The following AACS variants were observed in gnomAD, a reference collection of about 807,000 sequenced individuals.
AACS encodes acetoacetyl-CoA synthetase, also known as acetoacetate-CoA ligase.
Under a neutral mutation model 83.1 loss-of-function variants are expected in AACS, and 69 were observed. The observed-to-expected ratio is 0.83, with a 90% CI of 0.68 to 1.01. The LOEUF (loss-of-function observed/expected upper bound fraction) is 1.01, where lower values mean the gene tolerates loss of function less well. Among genes scored for constraint, AACS ranks in the 50% least tolerant of loss-of-function variants. The pLI is 0.00. For synonymous variants in AACS, 333 were observed against 343.4 expected (o/e 0.97, Z 0.33); for missense variants, 866 against 882.2 (o/e 0.98, Z 0.23).
At chr12:125,065,804 C>T (rs1313907029) in intron 1 of AACS, 87 bp downstream of exon 1, 12 of 1,400,566 alleles carry the variant, frequency 8.6e-6, no homozygotes, top group African/African-American at 1.5e-5. Context: ...GCTAGTTTCA[C>T]GCTTCTGGGG....
intron 16 of AACS, 86 bp from the exon 17 acceptor site, chr12:125,136,576 C>A: frequency 8.7e-7 from 1 of 1,155,612 alleles, no homozygotes; most frequent in South Asian, 1.4e-5. Context: ...CCAGCCTGCC[C>A]CTCCTGCTCT....
intron 8 of AACS, among the ~76,000 whole-genome samples, chr12:125,108,942 C>A (rs1216739225): frequency 6.6e-6 from 1 of 150,498 alleles, no homozygotes; most frequent in Non-Finnish European, 1.5e-5. Flanking sequence ...TATATTCCAC[C>A]TGCCTTGGCC....
intron 1 of AACS, among the ~76,000 whole-genome samples, chr12:125,071,809 G>A (rs1328102749): frequency 3.3e-5 from 5 of 152,144 alleles, no homozygotes; most frequent in East Asian, 1.9e-4. Context: ...GGCTGGCCGC[G>A]TCTGCCTTCC....
At chr12:125,116,276 A>G (rs1361264377) in intron 9 of AACS, among the ~76,000 whole-genome samples, 4 of 152,102 alleles carry the variant, frequency 2.6e-5, no homozygotes, top group African/African-American at 9.7e-5. Flanking sequence ...TCCCTGGGAC[A>G]CGGCAATTTA....
In AACS at chr12:125,097,909, A is replaced by G. The variant is rs1342404568; in HGVS notation, c.571-4770A>G. 6.6e-6 allele frequency among the ~76,000 whole-genome samples: 1 copy of G among 152,188 alleles called. No individual in the cohort carries two copies. Among genetic ancestry groups the G allele is most frequent in the Non-Finnish European group, 1.5e-5 (1 of 68,046 alleles). ...CTGTCCTCCTTCATACGTTTGATTGAGCGGTTCCTCGGTTCCTCTGTGACC... is the reference window on the plus strand; with the variant it reads ...CTGTCCTCCTTCATACGTTTGATTGGGCGGTTCCTCGGTTCCTCTGTGACC... On this transcript the variant is annotated intron_variant, in intron 5 of 17. Coordinates refer to ENST00000316519, the MANE Select transcript of AACS (RefSeq NM_023928.5). The surrounding 1 kb of genome is among the most constrained non-coding windows in gnomAD (Gnocchi z 4.3).
At chr12:125,083,821 G>A (rs577116137) in intron 3 of AACS, among the ~76,000 whole-genome samples, 120 of 151,984 alleles carry the variant, frequency 7.9e-4, no homozygotes, top group Middle Eastern at 6.8e-3. Flanking sequence ...GCCCGGCTAA[G>A]TTTTATATTT....
chr12:125,120,512 A>T (rs917316236), intron 10 of AACS: 8 of 152,172 alleles, frequency 5.3e-5, no homozygotes, highest in Admixed American at 6.5e-5. Context: ...TCCTAATGAG[A>T]TTGTTTCCAG....
chr12:125,083,283 C>T (rs930342462), intron 3 of AACS, among the ~76,000 whole-genome samples: 2 of 152,214 alleles, frequency 1.3e-5, no homozygotes, highest in African/African-American at 4.8e-5. Flanking sequence ...AGTGACCTCA[C>T]AGCATGGCCA....
At chr12:125,126,376 C>G (rs1436822268) in intron 12 of AACS, 1 of 152,156 alleles carries the variant, frequency 6.6e-6, no homozygotes, top group Non-Finnish European at 1.5e-5. Flanking sequence ...CTGCCGTCCC[C>G]CTTCCCCAAG....
At chr12:125,087,324 G>T (rs1373391494) in intron 4 of AACS, among the ~76,000 whole-genome samples, 1 of 152,216 alleles carries the variant, frequency 6.6e-6, no homozygotes, top group South Asian at 2.1e-4. Flanking sequence ...AGCAACTGAG[G>T]ATTTCCCACG....
intron 3 of AACS, among the ~76,000 whole-genome samples, chr12:125,081,730 A>T (rs1956190778): frequency 6.6e-6 from 1 of 152,202 alleles, no homozygotes; most frequent in South Asian, 2.1e-4. Flanking sequence ...TTTGAAGAGT[A>T]GCTATCAGCT....
intron 9 of AACS, among the ~76,000 whole-genome samples, chr12:125,117,149 C>T (rs962637925): frequency 7.2e-5 from 11 of 152,064 alleles, no homozygotes; most frequent in Non-Finnish European, 1.0e-4. Flanking sequence ...CGGTGGCTCA[C>T]GCCTGTAATC....
At position 125,076,515 on chromosome 12, in the gene AACS, G is replaced by A. The variant is rs775876225; in HGVS notation, c.262G>A (p.Ala88Thr). The change falls in exon 3 of 18, where the codon GCA (alanine) becomes ACA (threonine). Residue 88 changes from alanine to threonine, a missense_variant. By Grantham distance (58) the Ala-to-Thr change is moderately conservative. Coordinates refer to ENST00000316519, the MANE Select transcript of AACS (RefSeq NM_023928.5). Reference protein sequence around the residue: ...DEVVDTSKGIADVPEWFKGSR... With the variant: ...DEVVDTSKGITDVPEWFKGSR... The stretch of plus-strand genomic sequence containing the variant: ...GGTTGTGGACACATCGAAAGGAATC[G>A]CAGATGTCCCCGAGTGGTTCAAAGG... The A allele has an allele frequency of 1.4e-5, 22 of 1,613,990 alleles. No homozygotes were observed. The South Asian group carries it at 2.0e-4, about 14-fold the overall frequency.
intron 3 of AACS, 84 bp downstream of exon 3, chr12:125,076,695 T>G (rs867522923): frequency 5.1e-6 from 8 of 1,562,472 alleles, no homozygotes; most frequent in Non-Finnish European, 5.2e-6. Flanking sequence ...TTTGGAGAGA[T>G]AGGATTTCTA....
chr12:125,118,171 C>A (rs957172845), intron 9 of AACS: 6 of 162,682 alleles, frequency 3.7e-5, no homozygotes, highest in East Asian at 3.8e-4. Flanking sequence ...GAGGCAGGTT[C>A]CCGACACCAT....
intron 1 of AACS, among the ~76,000 whole-genome samples, chr12:125,066,498 G>A (rs952747955): frequency 4.2e-5 from 6 of 143,330 alleles, no homozygotes; most frequent in African/African-American, 1.6e-4. Context: ...TGCCCAGGCT[G>A]GAGTGCAATG....
intron 9 of AACS, chr12:125,117,623 A>G (rs1473907798): frequency 1.3e-5 from 2 of 152,218 alleles, no homozygotes; most frequent in African/African-American, 4.8e-5. Context: ...GCTTCCAGGC[A>G]CTGGTTTCCT....
rs1051034452 is a variant in AACS, at chr12:125,095,413, A to G, written c.570+3890A>G. Among the ~76,000 whole-genome samples the G allele has an allele frequency of 6.6e-5, 10 of 152,320 alleles. No homozygotes were observed. In the East Asian group the frequency reaches 7.7e-4, roughly 12 times the overall value. On this transcript the variant is annotated intron_variant, in intron 5 of 17. Coordinates refer to ENST00000316519, the MANE Select transcript of AACS (RefSeq NM_023928.5). ...GGTATTTGAGCCCCAGATCACTGGC[A>G]GGCTCAGTCCTTTCACCTTGAGATC...
At chr12:125,105,953 T>G (rs947770700) in intron 7 of AACS, among the ~76,000 whole-genome samples, 3 of 152,230 alleles carry the variant, frequency 2.0e-5, no homozygotes, top group African/African-American at 7.2e-5. Context: ...GTGAATAGTT[T>G]TCCTGACATG....
Sources: allele counts gnomAD v4.1 joint callset (sites outside exome capture counted in the v4.1 genomes callset), GRCh38; gene constraint gnomAD v4.1.1; non-coding constraint Gnocchi (gnomAD v3.1); transcripts MANE v1.5; gene names NCBI Gene and HGNC (gene_info 2026-07-23, HGNC 2026-07-21).